Variants in ABCA1 observed in about 807,000 individuals in gnomAD.
ABCA1 encodes the protein ATP binding cassette subfamily A member 1.
Under a neutral mutation model 262.5 loss-of-function variants are expected in ABCA1, and 133 were observed. The ratio of observed to expected loss-of-function variants is 0.51; its 90% CI spans 0.44 to 0.59. The LOEUF is 0.59. ABCA1 is among the 20% of genes least tolerant of loss of function. The pLI is 0.00. For synonymous variants in ABCA1, 1,022 were observed against 1,043.5 expected (o/e 0.98, Z 0.40); for missense variants, 2,452 against 2,777.5 (o/e 0.88, Z 2.63).
intron 2 of ABCA1, among the ~76,000 whole-genome samples, chr9:104,890,496 G>C (rs1006381123): frequency 1.6e-4 from 24 of 152,030 alleles, no homozygotes; most frequent in Admixed American, 1.6e-3. Context: ...CAAGAGAATC[G>C]CTTGAACCCA....
intron 7 of ABCA1, among the ~76,000 whole-genome samples, chr9:104,857,704 C>CAAA (rs139377053): frequency 2.0e-5 from 3 of 152,126 alleles, no homozygotes; most frequent in African/African-American, 7.2e-5. Context: ...AAGAGTATTA[C>CAAA]AATTTCATTT....
At chr9:104,865,789 A>G (rs192146344) in intron 5 of ABCA1, among the ~76,000 whole-genome samples, 85 of 152,336 alleles carry the variant, frequency 5.6e-4, no homozygotes, top group Non-Finnish European at 2.4e-4. Context: ...ATATATGGTA[A>G]TAATTTGTGA....
Position 104,825,790 on chromosome 9 carries a change from C to G in ABCA1, c.2435G>C (p.Ser812Thr), listed in dbSNP as rs1268855022. ...IGVQWDNLFE[S>T]PVEEDGFNLT... ...ATTGAAGCCATCTTCCTCCACAGGACTCTCAAACAGGTTGTCCCACTGCAC... is the reference window on the plus strand; with the variant it reads ...ATTGAAGCCATCTTCCTCCACAGGAGTCTCAAACAGGTTGTCCCACTGCAC... The change falls in exon 17 of 50, where the codon AGT (serine) becomes ACT (threonine). Residue 812 changes from serine to threonine, a missense_variant. Transcript: ENST00000374736. The G allele has an allele frequency of 1.2e-6, 2 of 1,614,108 alleles. No individual in the cohort carries two copies. The highest frequency in any genetic ancestry group is 4.5e-5 in the East Asian group (2 of 44,894).
intron 1 of ABCA1, among the ~76,000 whole-genome samples, chr9:104,909,936 C>G (rs1564290971): frequency 1.3e-5 from 2 of 152,200 alleles, no homozygotes. Flanking sequence ...CTAAATCTGT[C>G]TATGGAAACA....
At chr9:104,838,636 C>A (rs1834061184) in intron 9 of ABCA1, among the ~76,000 whole-genome samples, 2 of 149,596 alleles carry the variant, frequency 1.3e-5, no homozygotes, top group Non-Finnish European at 3.0e-5. Context: ...AAAAAAAATT[C>A]TCTTTAATTA....
chr9:104,808,155 G>GT (rs1830960784), intron 30 of ABCA1, among the ~76,000 whole-genome samples: 1 of 152,110 alleles, frequency 6.6e-6, no homozygotes, highest in Non-Finnish European at 1.5e-5. Context: ...TTGAATTTCA[G>GT]TAAGAATTGT....
chr9:104,922,017 G>C (rs1014616474), intron 1 of ABCA1, among the ~76,000 whole-genome samples: 1 of 152,074 alleles, frequency 6.6e-6, no homozygotes, highest in Non-Finnish European at 1.5e-5. Flanking sequence ...CATTTAAATC[G>C]GGTCTTAAAG....
rs778491693 is a variant in ABCA1 at position 104,840,293 on chromosome 9, T to C, written c.1040A>G (p.Tyr347Cys). The C allele has an allele frequency of 3.3e-5, 53 of 1,614,070 alleles. No individual in the cohort carries two copies. Among genetic ancestry groups the C allele is most frequent in the Non-Finnish European group, 4.4e-5 (52 of 1,180,042 alleles). ...TGGACACTCACTTGTAGAGTTGTCATAGAAGGTTTCAGCATCTTCCTCAGT... is the reference window on the plus strand; with the variant it reads ...TGGACACTCACTTGTAGAGTTGTCACAGAAGGTTTCAGCATCTTCCTCAGT... ...NGTEEDAETF[Y>C]DNSTTPYCND... The change falls in exon 9 of 50, where the codon TAT becomes TGT. Residue 347 changes from tyrosine (Y) to cysteine (C), a missense_variant. Coordinates refer to ENST00000374736, the MANE Select transcript of ABCA1 (RefSeq NM_005502.4).
intron 5 of ABCA1, among the ~76,000 whole-genome samples, chr9:104,877,453 T>C (rs770957373): frequency 6.6e-6 from 1 of 152,348 alleles, no homozygotes; most frequent in East Asian, 1.9e-4. Flanking sequence ...CCTTGGGTAG[T>C]CCCAGGTGAT....
Position 104,803,289 on chromosome 9 carries a change from C to T in ABCA1, c.4587G>A (p.Glu1529=), listed in dbSNP as rs1449629720. The change falls in exon 33 of 50, where the codon GAG becomes GAA. Residue 1529 remains glutamate (E), a synonymous_variant. Coordinates refer to ENST00000374736, the MANE Select transcript of ABCA1 (RefSeq NM_005502.4). Reference sequence around the variant, plus strand: ...CCAGAAAGACAGCAACTTACCTAAACTCATTCACCCAGATCTTGTTCTTTA... The same window carrying T: ...CCAGAAAGACAGCAACTTACCTAAATTCATTCACCCAGATCTTGTTCTTTA... The part of the protein sequence containing the change: ...KSLKNKIWVN[E]FRYGGFSLGV... The T allele has an allele frequency of 2.5e-6, 4 of 1,614,218 alleles. No homozygotes were observed. Among genetic ancestry groups the T allele is most frequent in the Admixed American group, 1.7e-5 (1 of 60,022 alleles).
chr9:104,895,113 A>C (rs1840081993), intron 2 of ABCA1, among the ~76,000 whole-genome samples: 1 of 152,180 alleles, frequency 6.6e-6, no homozygotes, highest in Admixed American at 6.5e-5. Flanking sequence ...TACCATTATA[A>C]ATTCCTACAG....
intron 4 of ABCA1, among the ~76,000 whole-genome samples, chr9:104,883,830 A>G (rs1215274643): frequency 2.6e-5 from 4 of 152,154 alleles, no homozygotes; most frequent in African/African-American, 9.7e-5. Context: ...AGAATCCTCA[A>G]TGTCTCATTT....
intron 10 of ABCA1, 63 bp downstream of exon 10, chr9:104,837,365 A>C: frequency 1.9e-6 from 3 of 1,607,238 alleles, no homozygotes; most frequent in Non-Finnish European, 2.6e-6. Context: ...AGCTACCTTG[A>C]GTTTTTTGCC....
chr9:104,883,150 G>A lies in ABCA1; in HGVS notation c.310C>T (p.Arg104Cys), dbSNP rs141348278. The A allele has an allele frequency of 1.9e-6, 3 of 1,612,770 alleles. No individual in the cohort carries two copies. Among genetic ancestry groups the A allele is most frequent in the African/African-American group, 1.3e-5 (1 of 74,170 alleles). The change falls in exon 5 of 50, where the codon CGC (arginine) becomes TGC (cysteine). Residue 104 changes from arginine to cysteine, a missense_variant. Physicochemically the swap from Arg to Cys is radical, Grantham distance 180. Around this residue, in one of 4 missense-constraint regions of ABCA1, gnomAD observed 1,032 missense variants for 1,089.7 expected, o/e 0.95. Coordinates refer to ENST00000374736, the MANE Select transcript of ABCA1 (RefSeq NM_005502.4). Reference protein sequence around the residue: ...VGNFNKSIVARLFSDARRLLL... With the variant: ...VGNFNKSIVACLFSDARRLLL... ...AGCCTCCGAGCATCTGAGAACAGGC[G>A]AGCCACACTGTAAAGGGTGCAAGAA...
At chr9:104,823,515 G>C (rs1476285567) in intron 18 of ABCA1, among the ~76,000 whole-genome samples, 1 of 152,134 alleles carries the variant, frequency 6.6e-6, no homozygotes, top group Non-Finnish European at 1.5e-5. Context: ...GTCTGTAATT[G>C]TTTTAAAATA....
chr9:104,874,613 G>C (rs865835048), intron 5 of ABCA1, among the ~76,000 whole-genome samples: 1 of 151,996 alleles, frequency 6.6e-6, no homozygotes, highest in Non-Finnish European at 1.5e-5. Flanking sequence ...AAACAGAGCC[G>C]GGCGCAGTGG....
rs780714138 is a variant in ABCA1 at position 104,799,891 on chromosome 9, G to T, written c.4871C>A (p.Pro1624His). The T allele has an allele frequency of 1.9e-6, 3 of 1,614,078 alleles. No individual in the cohort carries two copies. The South Asian group carries it at 3.3e-5, about 18-fold the overall frequency. The change falls in exon 36 of 50, where the codon CCT becomes CAT. Residue 1624 changes from proline to histidine, a missense_variant. By Grantham distance (77) the Pro-to-His change is moderately conservative (BLOSUM62 -2). Transcript: ENST00000374736. ...GAAAGCAGTAATTCCATAATGGCTA[G>T]GGTTCTCTCCCTTTTGCAGGTTGGC... ...LRANLQKGEN[P>H]SHYGITAFNH...
intron 37 of ABCA1, among the ~76,000 whole-genome samples, chr9:104,796,939 G>T (rs1013847454): frequency 1.3e-5 from 2 of 152,184 alleles, no homozygotes; most frequent in African/African-American, 4.8e-5. Context: ...CAGAAATAAA[G>T]ACTTGACGAT....
rs748220734 is a variant in ABCA1 at position 104,800,472 on chromosome 9, T to C, written c.4773+38A>G. The C allele has an allele frequency of 5.1e-6, 8 of 1,579,828 alleles. No homozygotes were observed. In the South Asian group the frequency reaches 8.8e-5, roughly 17 times the overall value. On this transcript the variant is annotated intron_variant, in intron 35 of 49. Coordinates refer to ENST00000374736, the MANE Select transcript of ABCA1 (RefSeq NM_005502.4). ...ACTCCAGGAAACATAAGGATTATTG[T>C]TCATCAAAAAGCTACTAGAACAAAG...
Sources: gnomAD v4.1 joint callset for allele counts (sites outside exome capture counted in the v4.1 genomes callset) on GRCh38, gnomAD v4.1.1 for gene constraint, gnomAD v4.1.1 regional missense constraint, MANE v1.5 for transcripts, NCBI Gene and HGNC (gene_info 2026-07-23, HGNC 2026-07-21) for gene names.